The following BTG4 variants were observed in gnomAD, a reference collection of about 807,000 sequenced individuals.
BTG4 encodes BTG anti-proliferation factor 4, also known as protein BTG4.
Under a neutral mutation model 19.3 loss-of-function variants are expected in BTG4, and 10 were observed. The observed-to-expected ratio is 0.52, with a 90% CI of 0.32 to 0.88. BTG4 has a LOEUF of 0.88. BTG4 is among the 40% of genes least tolerant of loss of function. BTG4 has a pLI of 0.04. For synonymous variants in BTG4, 91 were observed against 95.7 expected (o/e 0.95, Z 0.29); for missense variants, 238 against 281.9 (o/e 0.84, Z 1.11).
chr11:111,494,849 C>T lies in BTG4; in HGVS notation c.*286G>A. 1 of 971,118 alleles carries T rather than the reference C, an allele frequency of 1.0e-6. No homozygotes were observed. Among genetic ancestry groups the T allele is most frequent in the Non-Finnish European group, 1.2e-6 (1 of 816,796 alleles). The allele number at this position is 971,118 out of a possible 1,614,324, so 60.2% of individuals were successfully genotyped here. A position where few individuals can be genotyped will look rare whatever the true frequency, so the allele number is the denominator to read the frequency against. On this transcript the variant is annotated 3_prime_UTR_variant, in exon 5 of 5. Coordinates refer to ENST00000692032, the MANE Select transcript of BTG4 (RefSeq NM_001367975.1). ...CACTGTACGTTTATTTAAACCATTA[C>T]TTTTCATAATTCATTGAGTCTTATT...
chr11:111,459,380 CAGCTTCTCAAA>C, the BTG4 span, among the ~76,000 whole-genome samples: 1 of 152,202 alleles, frequency 6.6e-6, no homozygotes, highest in Non-Finnish European at 1.5e-5. Flanking sequence ...AAGTTGTTCT[CAGCTTCTCAAA>C]AGGTCTGATG....
At chr11:111,438,503 T>C in the BTG4 span, among the ~76,000 whole-genome samples, 1 of 152,208 alleles carries the variant, frequency 6.6e-6, no homozygotes, top group Non-Finnish European at 1.5e-5. Flanking sequence ...CATGGGCCAT[T>C]TCCCCCAGCG....
At chr11:111,406,140 A>C in the BTG4 span, among the ~76,000 whole-genome samples, 1 of 152,214 alleles carries the variant, frequency 6.6e-6, no homozygotes, top group African/African-American at 2.4e-5. Context: ...ATCAACAATC[A>C]TATGCCCATT....
chr11:111,486,471 T>G (rs2135598403), intron 5 of BTG4, among the ~76,000 whole-genome samples: 1 of 152,146 alleles, frequency 6.6e-6, no homozygotes, highest in Non-Finnish European at 1.5e-5. Flanking sequence ...TACATACTAT[T>G]CATACTATTC....
chr11:111,466,110 G>T (rs1476689473), downstream of BTG4, among the ~76,000 whole-genome samples: 1 of 152,042 alleles, frequency 6.6e-6, no homozygotes, highest in Non-Finnish European at 1.5e-5. Flanking sequence ...TCTAGTTCTA[G>T]AAGATAGTAG....
the BTG4 span, among the ~76,000 whole-genome samples, chr11:111,453,946 G>A: frequency 0.017 from 2,558 of 152,298 alleles, 79 homozygotes; most frequent in African/African-American, 0.058. Context: ...CTCACAGCAT[G>A]GTCCTCAGAC....
chr11:111,462,618 TCTC>T (rs1392027391), downstream of BTG4, among the ~76,000 whole-genome samples: 1 of 152,200 alleles, frequency 6.6e-6, no homozygotes, highest in East Asian at 1.9e-4. Flanking sequence ...TGTCTTTTCT[TCTC>T]CTCCCTACCC....
chr11:111,400,474 A>G, the BTG4 span, among the ~76,000 whole-genome samples: 1 of 152,254 alleles, frequency 6.6e-6, no homozygotes, highest in Non-Finnish European at 1.5e-5. Context: ...TGTTCTAAAC[A>G]AAGTGCAGTA....
intron 5 of BTG4, among the ~76,000 whole-genome samples, chr11:111,475,683 T>C (rs1864357084): frequency 6.6e-6 from 1 of 152,134 alleles, no homozygotes; most frequent in South Asian, 2.1e-4. Context: ...CTGCTCAGAT[T>C]ACAAAGCCAA....
At chr11:111,486,635 T>C (rs1192372866) in intron 5 of BTG4, among the ~76,000 whole-genome samples, 1 of 152,036 alleles carries the variant, frequency 6.6e-6, no homozygotes, top group African/African-American at 2.4e-5. Context: ...GCAAAAATCC[T>C]CAGTGAAATA....
chr11:111,498,731 C>T lies in BTG4; in HGVS notation c.46G>A (p.Val16Met). 4 of 1,612,946 alleles carry T rather than the reference C, an allele frequency of 2.5e-6. No homozygotes were observed. The highest frequency in any genetic ancestry group is 3.4e-6 in the Non-Finnish European group (4 of 1,179,612). Residue 16 changes from valine to methionine, a missense_variant, in exon 2 of 5, where the codon GTG becomes ATG. Physicochemically the swap from Val to Met is conservative, Grantham distance 21 (BLOSUM62 1). Transcript: ENST00000692032. ...TTACTTAGTTTATCATGTTTTTTCA[C>T]CAATCTTGTGACAAAGAAAACTGTT... is the stretch of plus-strand genomic sequence containing the variant. ...ATTVFFVTRL[V>M]KKHDKLSKQQ...
chr11:111,388,280 A>AGTTG, the BTG4 span, among the ~76,000 whole-genome samples: 9,332 of 145,594 alleles, frequency 0.064, 366 homozygotes, highest in Non-Finnish European at 0.093. Context: ...GCCATGACTC[A>AGTTG]GTTGGTTGGT....
the BTG4 span, among the ~76,000 whole-genome samples, chr11:111,458,660 C>T: frequency 2.0e-5 from 3 of 152,194 alleles, no homozygotes; most frequent in Admixed American, 6.5e-5. Flanking sequence ...CCACTTCCCA[C>T]GAATAAACGC....
chr11:111,449,826 G>A, the BTG4 span: 73 of 152,462 alleles, frequency 4.8e-4, no homozygotes, highest in South Asian at 8.3e-4. Context: ...GAGAGACAGA[G>A]ACACATCTTG....
chr11:111,492,263 G>C (rs1301887808), downstream of BTG4, among the ~76,000 whole-genome samples: 1 of 152,010 alleles, frequency 6.6e-6, no homozygotes, highest in Non-Finnish European at 1.5e-5. Flanking sequence ...AAACTGCAAG[G>C]GACACTATTA....
chr11:111,414,462 C>T, the BTG4 span: 1 of 152,214 alleles, frequency 6.6e-6, no homozygotes, highest in Non-Finnish European at 1.5e-5. Context: ...CCTCTCCCCT[C>T]CTCTTTCATC....
upstream of BTG4, chr11:111,513,558 C>T (rs1184292296): frequency 4.0e-6 from 2 of 495,284 alleles, no homozygotes; most frequent in South Asian, 1.5e-5. Flanking sequence ...CATCAATGTG[C>T]GTGGGGAAGA....
chr11:111,418,949 G>A, the BTG4 span, among the ~76,000 whole-genome samples: 2 of 152,218 alleles, frequency 1.3e-5, no homozygotes, highest in African/African-American at 4.8e-5. Flanking sequence ...CAAGGTGTCA[G>A]CGGGGTTGTT....
At chr11:111,426,514 G>A in the BTG4 span, among the ~76,000 whole-genome samples, 1 of 152,188 alleles carries the variant, frequency 6.6e-6, no homozygotes, top group Non-Finnish European at 1.5e-5. Flanking sequence ...GCGGTGGTGG[G>A]TGGACAAGGT....
Sources: allele counts gnomAD v4.1 joint callset (sites outside exome capture counted in the v4.1 genomes callset), GRCh38; gene constraint gnomAD v4.1.1; transcripts MANE v1.5; gene names NCBI Gene and HGNC (gene_info 2026-07-23, HGNC 2026-07-21).